The following EPB41L5 variants were observed in gnomAD, a reference collection of about 807,000 sequenced individuals.
The protein encoded by EPB41L5 is band 4.1-like protein 5.
Under a neutral mutation model 106.6 loss-of-function variants are expected in EPB41L5, and 55 were observed. That is an observed-to-expected ratio of 0.52 (90% CI 0.42 to 0.65). The LOEUF is 0.65. Among genes scored for constraint, EPB41L5 ranks in the 30% least tolerant of loss-of-function variants. EPB41L5 has a pLI of 0.00. For synonymous variants in EPB41L5, 297 were observed against 306.7 expected (o/e 0.97, Z 0.33); for missense variants, 871 against 882.1 (o/e 0.99, Z 0.16).
intron 3 of EPB41L5, among the ~76,000 whole-genome samples, chr2:120,059,681 T>C (rs1464502596): frequency 6.6e-6 from 1 of 151,966 alleles, no homozygotes; most frequent in Non-Finnish European, 1.5e-5. Flanking sequence ...GGCAAGAGGA[T>C]CACTTGAGCT....
At chr2:120,047,254 T>C (rs1239834351) in intron 3 of EPB41L5, among the ~76,000 whole-genome samples, 1 of 152,224 alleles carries the variant, frequency 6.6e-6, no homozygotes, top group Non-Finnish European at 1.5e-5. Context: ...CCTTGGGCAG[T>C]ATGGCTATTT....
chr2:120,129,944 G>T (rs150325592), intron 17 of EPB41L5, among the ~76,000 whole-genome samples: 1 of 152,106 alleles, frequency 6.6e-6, no homozygotes, highest in African/African-American at 2.4e-5. Flanking sequence ...TCAGCAGTTC[G>T]AGACCAGCCT....
At chr2:120,090,027 T>C (rs1273190827) in intron 11 of EPB41L5, among the ~76,000 whole-genome samples, 1 of 152,068 alleles carries the variant, frequency 6.6e-6, no homozygotes, top group Non-Finnish European at 1.5e-5. Context: ...TGATGCATAC[T>C]GCCAGATCTG....
At chr2:120,047,223 C>T (rs138655292) in intron 3 of EPB41L5, among the ~76,000 whole-genome samples, 3,809 of 151,990 alleles carry the variant, frequency 0.025, 65 homozygotes, top group Non-Finnish European at 0.034. Context: ...TTGATGGGGA[C>T]GGCATTGAAT....
At chr2:120,165,967 CAAAAAAAAAAAAAAA>C (rs536664071) in intron 22 of EPB41L5, among the ~76,000 whole-genome samples, 3 of 27,998 alleles carry the variant, frequency 1.1e-4, no homozygotes, top group South Asian at 1.8e-3. Context: ...GACTCCGTCT[CAAAAAAAAAAAAAAA>C]AAAAAAAAAA....
chr2:120,080,218 C>G lies in EPB41L5; in HGVS notation c.803+1637C>G, dbSNP rs191318680. On this transcript the variant is annotated intron_variant, in intron 10 of 24. Coordinates refer to ENST00000263713, the MANE Select transcript of EPB41L5 (RefSeq NM_020909.4). ...TGGTGTGCTGCACCGATTAACTCGT[C>G]ATTTACATTAGGTATATCTCCTAAT... 3.7e-3 allele frequency among the ~76,000 whole-genome samples: 564 copies of G among 151,898 alleles called. 17 individuals carry two copies. Among genetic ancestry groups the G allele is most frequent in the Non-Finnish European group, 5.7e-4 (39 of 67,998 alleles).
At chr2:120,016,176 T>C (rs955526681) in intron 1 of EPB41L5, among the ~76,000 whole-genome samples, 1 of 152,166 alleles carries the variant, frequency 6.6e-6, no homozygotes, top group Non-Finnish European at 1.5e-5. Context: ...ACGCCTGTAA[T>C]CCTAGCACTT....
intron 10 of EPB41L5, among the ~76,000 whole-genome samples, chr2:120,083,359 T>G (rs1682819938): frequency 6.6e-6 from 1 of 152,242 alleles, no homozygotes. Context: ...CATTTCATTA[T>G]GTACCCAGTA....
intron 16 of EPB41L5, among the ~76,000 whole-genome samples, chr2:120,112,830 T>C (rs575453371): frequency 6.6e-6 from 1 of 152,336 alleles, no homozygotes; most frequent in East Asian, 1.9e-4. Flanking sequence ...TAGCAAAGCA[T>C]CCTCATTTAA....
chr2:120,065,813 G>T (rs912509767), intron 3 of EPB41L5, among the ~76,000 whole-genome samples: 2 of 152,100 alleles, frequency 1.3e-5, no homozygotes, highest in Non-Finnish European at 2.9e-5. Flanking sequence ...ACCTTACCCG[G>T]CTGAGATTGT....
At chr2:120,057,339 G>T (rs533595586) in intron 3 of EPB41L5, among the ~76,000 whole-genome samples, 10 of 152,090 alleles carry the variant, frequency 6.6e-5, no homozygotes, top group Admixed American at 5.2e-4. Context: ...CTACCCCATC[G>T]TCTATTTTAA....
At chr2:120,072,002 A>C (rs1458854908) in intron 3 of EPB41L5, among the ~76,000 whole-genome samples, 1 of 152,170 alleles carries the variant, frequency 6.6e-6, no homozygotes, top group African/African-American at 2.4e-5. Context: ...AATGTACAAA[A>C]TGTACAATGT....
At chr2:120,098,632 C>T (rs1683929582) in intron 14 of EPB41L5, among the ~76,000 whole-genome samples, 1 of 152,176 alleles carries the variant, frequency 6.6e-6, no homozygotes, top group Non-Finnish European at 1.5e-5. Context: ...CCAAGGTGTA[C>T]AGAATAGACC....
intron 10 of EPB41L5, among the ~76,000 whole-genome samples, chr2:120,083,725 G>A (rs1450675006): frequency 6.6e-6 from 1 of 152,178 alleles, no homozygotes; most frequent in Non-Finnish European, 1.5e-5. Flanking sequence ...ACATTATTGT[G>A]TGGGAGTCTG....
rs1288918702 is a variant in EPB41L5 at position 120,167,473 on chromosome 2, C to T, written c.1970C>T (p.Ser657Phe). 1 of 1,613,316 alleles carries T rather than the reference C, an allele frequency of 6.2e-7. No homozygotes were observed. Among genetic ancestry groups the T allele is most frequent in the African/African-American group, 1.3e-5 (1 of 74,924 alleles). ...CATATAAAATTATTTCAGGTGTCTT[C>T]CACATCCATGATCACACCCCGGTGG... Reference protein sequence around the residue: ...IDHTVAPQVSSTSMITPRWIV... With the variant: ...IDHTVAPQVSFTSMITPRWIV... The change falls in exon 23 of 25, where the codon TCC (serine) becomes TTC (phenylalanine). Residue 657 changes from serine to phenylalanine, a missense_variant. Transcript: ENST00000263713.
intron 18 of EPB41L5, among the ~76,000 whole-genome samples, chr2:120,134,544 A>G (rs1021066950): frequency 5.3e-5 from 8 of 152,198 alleles, no homozygotes; most frequent in Non-Finnish European, 1.2e-4. Context: ...GTCAGTGGGT[A>G]GCCACAGGGG....
At chr2:120,153,799 T>C (rs1686781389) in intron 20 of EPB41L5, among the ~76,000 whole-genome samples, 2 of 152,230 alleles carry the variant, frequency 1.3e-5, no homozygotes, top group Non-Finnish European at 2.9e-5. Context: ...TTGTCTGATA[T>C]TAGTATAGCA....
At chr2:120,136,173 T>C (rs1174274230) in intron 18 of EPB41L5, among the ~76,000 whole-genome samples, 1 of 150,356 alleles carries the variant, frequency 6.7e-6, no homozygotes, top group Non-Finnish European at 1.5e-5. Flanking sequence ...TTTTTTACTA[T>C]CAGTGTTGTC....
chr2:120,023,397 A>T (rs1239356039), intron 2 of EPB41L5, among the ~76,000 whole-genome samples: 1 of 152,212 alleles, frequency 6.6e-6, no homozygotes, highest in Non-Finnish European at 1.5e-5. Context: ...AGTTTTCTGC[A>T]TATGGCTAGC....
Sources: gnomAD v4.1 joint callset for allele counts (sites outside exome capture counted in the v4.1 genomes callset) on GRCh38, gnomAD v4.1.1 for gene constraint, MANE v1.5 for transcripts, NCBI Gene and HGNC (gene_info 2026-07-23, HGNC 2026-07-21) for gene names.